AMPH: variants seen among roughly 807,000 people sequenced by gnomAD.
AMPH encodes amphiphysin (Stiff-Mann syndrome with breast cancer 128kD autoantigen).
A neutral mutation model predicts 99.1 loss-of-function variants in AMPH; 49 were observed. The ratio of observed to expected loss-of-function variants is 0.49; its 90% confidence interval spans 0.39 to 0.63. The LOEUF is 0.63. Ranked by LOEUF, AMPH falls within the 20% of genes least tolerant of loss-of-function variation. The pLI, the probability that AMPH is intolerant of heterozygous loss-of-function variation, is 0.00. For synonymous variants in AMPH, 314 were observed against 317.3 expected (o/e 0.99, Z 0.11); for missense variants, 759 against 863.4 (o/e 0.88, Z 1.52).
intron 1 of AMPH, among the ~76,000 whole-genome samples, chr7:38,545,310 T>G (rs1300501344): frequency 6.6e-6 from 1 of 152,054 alleles, no homozygotes; most frequent in Non-Finnish European, 1.5e-5. Context: ...TACAGGAAAA[T>G]CTGGGCTTGG....
At chr7:38,513,203 T>A (rs1287032831) in intron 2 of AMPH, among the ~76,000 whole-genome samples, 1 of 152,050 alleles carries the variant, frequency 6.6e-6, no homozygotes, top group African/African-American at 2.4e-5. Flanking sequence ...CCAAGGAGAG[T>A]GGCAGTCTTA....
At chr7:38,627,889 T>C (rs979733020) in intron 1 of AMPH, among the ~76,000 whole-genome samples, 2 of 152,150 alleles carry the variant, frequency 1.3e-5, no homozygotes, top group South Asian at 4.1e-4. Flanking sequence ...TTAAGCCAGT[T>C]TGGGTTGAGC....
At chr7:38,445,010 T>TATATATATATATATATAC (rs1458295332) in intron 11 of AMPH, among the ~76,000 whole-genome samples, 1 of 125,990 alleles carries the variant, frequency 7.9e-6, no homozygotes, top group African/African-American at 2.9e-5. Context: ...TATATATATA[T>TATATATATATATATATAC]ACACACACAC....
chr7:38,631,250 C>A (rs1347942922), intron 1 of AMPH, 33 bp downstream of exon 1: 1 of 1,504,226 alleles, frequency 6.6e-7, no homozygotes, highest in Admixed American at 2.1e-5. Context: ...CGCCTGGCGT[C>A]CCCGGCCCCA....
intron 1 of AMPH, among the ~76,000 whole-genome samples, chr7:38,591,090 GAA>G (rs1221617261): frequency 1.3e-5 from 2 of 152,110 alleles, no homozygotes; most frequent in Non-Finnish European, 2.9e-5. Flanking sequence ...ATATTCAGGA[GAA>G]TGCGGTAAAT....
chr7:38,526,676 T>C (rs1790203877), intron 2 of AMPH, among the ~76,000 whole-genome samples: 5 of 152,108 alleles, frequency 3.3e-5, no homozygotes, highest in Admixed American at 2.6e-4. Flanking sequence ...TAGTCCTTTC[T>C]TGGATATGTA....
At chr7:38,579,327 A>G (rs1792361418) in intron 1 of AMPH, among the ~76,000 whole-genome samples, 1 of 152,228 alleles carries the variant, frequency 6.6e-6, no homozygotes. Flanking sequence ...ATGTTGGTCC[A>G]GTGGAAACAT....
intron 1 of AMPH, among the ~76,000 whole-genome samples, chr7:38,607,336 C>T (rs967420177): frequency 1.3e-5 from 2 of 152,192 alleles, no homozygotes; most frequent in African/African-American, 2.4e-5. Context: ...TTTCTTATTA[C>T]GAGCTCCACT....
intron 1 of AMPH, among the ~76,000 whole-genome samples, chr7:38,558,071 T>A (rs566514075): frequency 2.0e-5 from 3 of 151,814 alleles, no homozygotes; most frequent in Admixed American, 6.6e-5. Flanking sequence ...GAAAGATCCA[T>A]GAAACATTTA....
At chr7:38,445,010 T>TATATATATATATAC (rs1458295332) in intron 11 of AMPH, among the ~76,000 whole-genome samples, 2 of 125,984 alleles carry the variant, frequency 1.6e-5, no homozygotes, top group East Asian at 2.8e-4. Flanking sequence ...TATATATATA[T>TATATATATATATAC]ACACACACAC....
At chr7:38,565,511 T>C (rs1009762085) in intron 1 of AMPH, among the ~76,000 whole-genome samples, 1 of 152,198 alleles carries the variant, frequency 6.6e-6, no homozygotes, top group Non-Finnish European at 1.5e-5. Flanking sequence ...CTTTCATAGT[T>C]TCTGAGTAAA....
At chr7:38,596,219 G>A (rs534208396) in intron 1 of AMPH, among the ~76,000 whole-genome samples, 22 of 152,206 alleles carry the variant, frequency 1.4e-4, no homozygotes, top group Non-Finnish European at 2.6e-4. Context: ...AAGTGGCCGG[G>A]AAACAGGAGT....
chr7:38,490,934 T>C (rs1788694995), intron 5 of AMPH, 116 bp downstream of exon 5: 1 of 649,456 alleles, frequency 1.5e-6, no homozygotes, highest in Non-Finnish European at 2.7e-6. Flanking sequence ...AAATGAAAAG[T>C]TACCAACTAT....
chr7:38,384,987 A>C (rs1584020683), intron 20 of AMPH, 62 bp from the exon 21 acceptor site: 1 of 1,385,752 alleles, frequency 7.2e-7, no homozygotes, highest in East Asian at 2.3e-5. Flanking sequence ...ACACTGCCAC[A>C]ATTAATTAAT....
intron 1 of AMPH, among the ~76,000 whole-genome samples, chr7:38,567,332 T>G (rs1342059752): frequency 6.6e-6 from 1 of 152,092 alleles, no homozygotes; most frequent in South Asian, 2.1e-4. Context: ...AGGTGGGAGC[T>G]GAACAATGAG....
At chr7:38,463,159 T>C in intron 9 of AMPH, 46 bp from the exon 10 acceptor site, 1 of 1,613,340 alleles carries the variant, frequency 6.2e-7, no homozygotes, top group Non-Finnish European at 8.5e-7. Context: ...TCAAGAACAG[T>C]ATTCATCTAA....
rs1470462619 is a variant in AMPH at position 38,605,189 on chromosome 7, A to G, written c.69+26094T>C. On this transcript the variant is annotated intron_variant, in intron 1 of 20. Coordinates refer to ENST00000356264, the MANE Select transcript of AMPH (RefSeq NM_001635.4). ...GGAGGCAGAGCCACTCAGAGCAGAA[A>G]GGGTGGGAGAAGGGGACAAGAGAGG... Among the ~76,000 whole-genome samples, 4 of 152,278 alleles carry G rather than the reference A, an allele frequency of 2.6e-5. No individual in the cohort carries two copies. The South Asian group carries it at 6.2e-4, about 24-fold the overall frequency.
At chr7:38,511,959 C>A (rs533282357) in intron 2 of AMPH, among the ~76,000 whole-genome samples, 2 of 152,114 alleles carry the variant, frequency 1.3e-5, no homozygotes. Flanking sequence ...TCTTTAGAGA[C>A]ACAAGTCAAA....
chr7:38,557,700 C>T (rs189312522), intron 1 of AMPH, among the ~76,000 whole-genome samples: 320 of 152,156 alleles, frequency 2.1e-3, no homozygotes, highest in Non-Finnish European at 3.8e-3. Flanking sequence ...CTGGAGATAA[C>T]GGCTGTGAAC....
Sources: gnomAD v4.1 joint callset for allele counts (sites outside exome capture counted in the v4.1 genomes callset) on GRCh38, gnomAD v4.1.1 for gene constraint, MANE v1.5 for transcripts, NCBI Gene and HGNC (gene_info 2026-07-23, HGNC 2026-07-21) for gene names.